RHOJ: variants seen among roughly 807,000 people sequenced by gnomAD.
The protein encoded by RHOJ is rho-related GTP-binding protein RhoJ.
RHOJ carries 11 observed loss-of-function variants against 23.4 expected under a neutral mutation model. The ratio of observed to expected loss-of-function variants is 0.47; its 90% CI spans 0.30 to 0.78. RHOJ has a LOEUF of 0.78. RHOJ is among the 30% of genes least tolerant of loss of function. RHOJ has a pLI of 0.08. For synonymous variants in RHOJ, 102 were observed against 102.7 expected (o/e 0.99, Z 0.04); for missense variants, 254 against 273.4 (o/e 0.93, Z 0.50).
intron 1 of RHOJ, among the ~76,000 whole-genome samples, chr14:63,236,479 G>A (rs1370237976): frequency 2.0e-5 from 3 of 152,172 alleles, no homozygotes; most frequent in African/African-American, 4.8e-5. Flanking sequence ...GTTAGGCAAA[G>A]AGAGTGTTTG....
intron 1 of RHOJ, among the ~76,000 whole-genome samples, chr14:63,262,415 G>A (rs1895288535): frequency 6.6e-6 from 1 of 152,174 alleles, no homozygotes. Flanking sequence ...AGAAAGACAA[G>A]AGAGTAAAGA....
intron 1 of RHOJ, among the ~76,000 whole-genome samples, chr14:63,239,664 C>G (rs1436398727): frequency 6.6e-6 from 1 of 152,222 alleles, no homozygotes; most frequent in Non-Finnish European, 1.5e-5. Context: ...TGACCTACTG[C>G]ACCCGACCAG....
intron 2 of RHOJ, among the ~76,000 whole-genome samples, chr14:63,276,003 G>A (rs1244325549): frequency 1.3e-5 from 2 of 152,198 alleles, no homozygotes; most frequent in Admixed American, 1.3e-4. Flanking sequence ...GCCCAGGTGT[G>A]AGCCTTCTTT....
chr14:63,233,248 A>G (rs963925149), intron 1 of RHOJ, among the ~76,000 whole-genome samples: 1 of 152,208 alleles, frequency 6.6e-6, no homozygotes, highest in African/African-American at 2.4e-5. Context: ...CTGACAGACA[A>G]AAAGTATATT....
intron 1 of RHOJ, among the ~76,000 whole-genome samples, chr14:63,239,421 T>C (rs1045724414): frequency 2.6e-5 from 4 of 152,172 alleles, no homozygotes; most frequent in Admixed American, 2.6e-4. Context: ...CAACAACTCA[T>C]TTTAAAGTAG....
Position 63,290,888 on chromosome 14 carries a change from A to G in RHOJ, c.509A>G (p.Gln170Arg). The change falls in exon 5 of 5, where the codon CAG becomes CGG. Residue 170 changes from glutamine (Q) to arginine (R), a missense_variant. Physicochemically the swap from Gln to Arg is conservative, Grantham distance 43. Coordinates refer to ENST00000316754, the MANE Select transcript of RHOJ (RefSeq NM_020663.5). ...TCTTTTGTGTTTAAGATCGGAGCACAGTGCTACTTGGAATGTTCAGCTCTG... is the reference window on the plus strand; with the variant it reads ...TCTTTTGTGTTTAAGATCGGAGCACGGTGCTACTTGGAATGTTCAGCTCTG... The part of the protein sequence containing the change: ...GVKLAKAIGA[Q>R]CYLECSALTQ... 1 of 1,612,200 alleles carries G rather than the reference A, an allele frequency of 6.2e-7. No homozygotes were observed. The highest frequency in any genetic ancestry group is 8.5e-7 in the Non-Finnish European group (1 of 1,179,322).
At chr14:63,281,165 C>G in intron 3 of RHOJ, 30 bp downstream of exon 3, 1 of 1,568,814 alleles carries the variant, frequency 6.4e-7, no homozygotes, top group Non-Finnish European at 8.6e-7. Context: ...CAGGGTGGAG[C>G]GGGCTGCAAA....
At chr14:63,272,066 G>A (rs1027410531) in intron 2 of RHOJ, among the ~76,000 whole-genome samples, 2 of 152,148 alleles carry the variant, frequency 1.3e-5, no homozygotes, top group Non-Finnish European at 2.9e-5. Flanking sequence ...TCCATTTTAA[G>A]AGATCTCCAA....
At chr14:63,261,805 C>T (rs946184764) in intron 1 of RHOJ, among the ~76,000 whole-genome samples, 13 of 152,076 alleles carry the variant, frequency 8.5e-5, no homozygotes, top group Admixed American at 6.5e-5. Flanking sequence ...CAAGATTTAC[C>T]ATCTTACCGG....
chr14:63,239,031 C>T (rs559193972), intron 1 of RHOJ, among the ~76,000 whole-genome samples: 65 of 152,170 alleles, frequency 4.3e-4, no homozygotes, highest in Non-Finnish European at 8.8e-4. Flanking sequence ...ACTTAGCATG[C>T]GGTCTCTCCA....
intron 1 of RHOJ, among the ~76,000 whole-genome samples, chr14:63,217,077 CT>C (rs1169326338): frequency 1.5e-3 from 59 of 38,644 alleles, no homozygotes; most frequent in African/African-American, 3.2e-3. Context: ...CTTTTTTTTT[CT>C]TTTTTTCTTT....
At chr14:63,210,684 A>G (rs1894216463) in intron 1 of RHOJ, among the ~76,000 whole-genome samples, 1 of 152,226 alleles carries the variant, frequency 6.6e-6, no homozygotes. Context: ...CCTCACTGGT[A>G]AAATATTCTT....
chr14:63,276,193 C>A (rs1297670029), intron 2 of RHOJ, among the ~76,000 whole-genome samples: 4 of 146,998 alleles, frequency 2.7e-5, no homozygotes, highest in African/African-American at 8.1e-5. Flanking sequence ...GCCTCTCCCC[C>A]AGTGCCTCAG....
intron 1 of RHOJ, among the ~76,000 whole-genome samples, chr14:63,222,822 T>C (rs1894523205): frequency 6.6e-6 from 1 of 152,248 alleles, no homozygotes; most frequent in South Asian, 2.1e-4. Context: ...AGAAGCTCTT[T>C]AGTTTATTTA....
At chr14:63,237,052 T>C (rs959800830) in intron 1 of RHOJ, among the ~76,000 whole-genome samples, 7 of 152,196 alleles carry the variant, frequency 4.6e-5, no homozygotes, top group African/African-American at 1.7e-4. Context: ...TGTCCCTTTT[T>C]TTCCTGAATA....
chr14:63,231,478 GCTTTTGCAAAACTTCACATT>G (rs1894694132), intron 1 of RHOJ, among the ~76,000 whole-genome samples: 1 of 152,204 alleles, frequency 6.6e-6, no homozygotes, highest in East Asian at 1.9e-4. Flanking sequence ...AACTAGTCAT[GCTTTTGCAAAACTTCACATT>G]ACAATAACGT....
At chr14:63,283,320 T>G in intron 4 of RHOJ, 104 bp downstream of exon 4, 1 of 923,166 alleles carries the variant, frequency 1.1e-6, no homozygotes, top group Non-Finnish European at 1.7e-6. Context: ...TAAAGTGCAA[T>G]GTGTTTAGAA....
intron 1 of RHOJ, among the ~76,000 whole-genome samples, chr14:63,240,766 A>T (rs1259108285): frequency 1.3e-5 from 2 of 152,236 alleles, no homozygotes; most frequent in Non-Finnish European, 2.9e-5. Context: ...AACATAATGA[A>T]ATCAAGTTAT....
rs1237230735 is a variant in RHOJ at position 63,290,968 on chromosome 14, C to T, written c.589C>T (p.Pro197Ser). The T allele has an allele frequency of 3.1e-6, 5 of 1,614,086 alleles. No homozygotes were observed. The highest frequency in any genetic ancestry group is 1.6e-4 in the Middle Eastern group (1 of 6,062). Residue 197 changes from proline (P) to serine (S), a missense_variant, in exon 5 of 5, where the codon CCC becomes TCC. Physicochemically the swap from Pro to Ser is moderately conservative, Grantham distance 74 (BLOSUM62 -1). Transcript: ENST00000316754. ...FDEAILTIFH[P>S]KKKKKRCSEG... Reference sequence around the variant, plus strand: ...TGAAGCAATCCTCACCATTTTCCACCCCAAGAAAAAGAAGAAACGCTGTTC... The same window carrying T: ...TGAAGCAATCCTCACCATTTTCCACTCCAAGAAAAAGAAGAAACGCTGTTC...
Sources: gnomAD v4.1 joint callset for allele counts (sites outside exome capture counted in the v4.1 genomes callset) on GRCh38, gnomAD v4.1.1 for gene constraint, MANE v1.5 for transcripts, NCBI Gene and HGNC (gene_info 2026-07-23, HGNC 2026-07-21) for gene names.